CTNND2: variants seen among roughly 807,000 people sequenced by gnomAD.
CTNND2 encodes catenin delta-2.
In CTNND2, 22 loss-of-function variants were observed where a neutral mutation model predicts 144.4. The observed-to-expected ratio is 0.15, with a 90% CI of 0.11 to 0.22. The LOEUF is 0.22. CTNND2 is among the 10% of genes least tolerant of loss of function. The pLI, the probability that CTNND2 is intolerant of heterozygous loss-of-function variation, is 1.00. For missense variants in CTNND2, 1,353 were observed against 1,618.8 expected (o/e 0.84, Z 2.82); for synonymous variants, 751 against 695.6 (o/e 1.08, Z -1.25).
rs1256703958 is a variant in CTNND2 at position 11,483,998 on chromosome 5, T to A, written c.288-71929A>T. On this transcript the variant is annotated intron_variant, in intron 3 of 21. Coordinates refer to ENST00000304623, the MANE Select transcript of CTNND2 (RefSeq NM_001332.4). ...GCATAGTCATAGATATTAGAATCAG[T>A]CCCAGTCAACAATAGAGGCACAAAT... Among the ~76,000 whole-genome samples the A allele has an allele frequency of 2.0e-5, 3 of 152,232 alleles. No individual in the cohort carries two copies. The East Asian group carries it at 5.8e-4, about 29-fold the overall frequency.
chr5:11,211,169 G>A (rs1182078296), intron 10 of CTNND2, among the ~76,000 whole-genome samples: 4 of 152,124 alleles, frequency 2.6e-5, no homozygotes, highest in Non-Finnish European at 5.9e-5. Context: ...GAGTGGGTCA[G>A]CGCACACTAG....
At chr5:11,043,479 A>T (rs1210228184) in intron 16 of CTNND2, among the ~76,000 whole-genome samples, 3 of 152,344 alleles carry the variant, frequency 2.0e-5, no homozygotes, top group Non-Finnish European at 2.9e-5. Context: ...TACTAAAAAA[A>T]ATCAGTAACT....
chr5:11,053,982 C>T (rs1746101787), intron 16 of CTNND2, among the ~76,000 whole-genome samples: 1 of 152,114 alleles, frequency 6.6e-6, no homozygotes, highest in Non-Finnish European at 1.5e-5. Flanking sequence ...AGATTTGTGC[C>T]TACAATAAAA....
At chr5:11,701,345 G>C (rs2126671399) in intron 2 of CTNND2, among the ~76,000 whole-genome samples, 1 of 152,262 alleles carries the variant, frequency 6.6e-6, no homozygotes, top group Admixed American at 6.5e-5. Context: ...CAGTCTGCTG[G>C]ATACCCAGGA....
intron 10 of CTNND2, among the ~76,000 whole-genome samples, chr5:11,214,198 T>C (rs889522101): frequency 2.0e-5 from 3 of 152,244 alleles, no homozygotes; most frequent in Non-Finnish European, 4.4e-5. Context: ...TAAAATGCTC[T>C]GATTTTAATC....
chr5:11,075,532 C>T (rs533274487), intron 16 of CTNND2, among the ~76,000 whole-genome samples: 9 of 152,194 alleles, frequency 5.9e-5, no homozygotes, highest in Non-Finnish European at 1.2e-4. Flanking sequence ...GCTCATGACA[C>T]GGAGGATAGG....
At chr5:11,393,295 C>T (rs1759793159) in intron 6 of CTNND2, among the ~76,000 whole-genome samples, 1 of 152,168 alleles carries the variant, frequency 6.6e-6, no homozygotes, top group East Asian at 1.9e-4. Context: ...GCAAGCAGGC[C>T]ATTTCCCTAA....
chr5:11,713,276 C>G (rs1414281451), intron 2 of CTNND2, among the ~76,000 whole-genome samples: 3 of 152,032 alleles, frequency 2.0e-5, no homozygotes, highest in Admixed American at 1.3e-4. Context: ...TAGCACCTAC[C>G]TATATTAGAA....
rs139369410 is a variant in CTNND2 at position 11,328,730 on chromosome 5, C to T, written c.1628+17642G>A. ...AACAGCCCCTCTTTGAAGATCTACA[C>T]GTGCAGATTATTGCGAAGTCCCACT... On this transcript the variant is annotated intron_variant, in intron 9 of 21. Coordinates refer to ENST00000304623, the MANE Select transcript of CTNND2 (RefSeq NM_001332.4). 8.1e-4 allele frequency among the ~76,000 whole-genome samples: 123 copies of T among 152,324 alleles called. 3 individuals are homozygous for T. The South Asian group carries it at 0.022, about 28-fold the overall frequency.
intron 1 of CTNND2, among the ~76,000 whole-genome samples, chr5:11,795,119 T>G (rs1257179031): frequency 3.3e-5 from 5 of 151,938 alleles, no homozygotes; most frequent in Non-Finnish European, 7.4e-5. Context: ...AAACAAAGAG[T>G]GAGTGTTCCT....
intron 2 of CTNND2, among the ~76,000 whole-genome samples, chr5:11,684,041 A>G (rs1784535795): frequency 6.6e-6 from 1 of 152,214 alleles, no homozygotes; most frequent in Admixed American, 6.5e-5. Context: ...ATGTCGATCC[A>G]CTTTTAATCA....
intron 3 of CTNND2, among the ~76,000 whole-genome samples, chr5:11,480,646 ATGTG>A (rs58951106): frequency 3.4e-4 from 50 of 149,154 alleles, no homozygotes; most frequent in East Asian, 1.4e-3. Flanking sequence ...AAATACATAT[ATGTG>A]TGTGTGTGTG....
chr5:10,981,811 A>T lies in CTNND2; in HGVS notation c.3379T>A (p.Ser1127Thr), dbSNP rs1041822358. The T allele has an allele frequency of 6.2e-7, 1 of 1,614,000 alleles. No individual in the cohort carries two copies. Among genetic ancestry groups the T allele is most frequent in the Non-Finnish European group, 8.5e-7 (1 of 1,179,988 alleles). The change falls in exon 21 of 22, where the codon TCT becomes ACT. Residue 1127 changes from serine (S) to threonine (T), a missense_variant. Transcript: ENST00000304623. Reference sequence around the variant, plus strand: ...ATGTCTTCAGCGGGCGCACCATAAGAATTCCTATACAAAGTTGAAATTCCA... The same window carrying T: ...ATGTCTTCAGCGGGCGCACCATAAGTATTCCTATACAAAGTTGAAATTCCA... ...NTGISTLYRN[S>T]YGAPAEDIKH...
intron 2 of CTNND2, among the ~76,000 whole-genome samples, chr5:11,696,981 G>T (rs1372295762): frequency 1.3e-5 from 2 of 151,764 alleles, no homozygotes; most frequent in Non-Finnish European, 2.9e-5. Context: ...TATTTTAAAT[G>T]ATAGATATTC....
chr5:11,664,621 T>C (rs1783454288), intron 2 of CTNND2, among the ~76,000 whole-genome samples: 1 of 152,166 alleles, frequency 6.6e-6, no homozygotes. Flanking sequence ...GTTTGTAACA[T>C]AAACTCATGA....
At chr5:11,890,472 A>T (rs960841439) in intron 1 of CTNND2, among the ~76,000 whole-genome samples, 1 of 152,146 alleles carries the variant, frequency 6.6e-6, no homozygotes, top group Admixed American at 6.5e-5. Flanking sequence ...TTGATCTCTC[A>T]CATCCCTTCA....
chr5:11,239,557 C>T (rs567063944), intron 9 of CTNND2, among the ~76,000 whole-genome samples: 26 of 152,344 alleles, frequency 1.7e-4, no homozygotes, highest in Admixed American at 1.0e-3. Flanking sequence ...CATTTAAATA[C>T]GCAGATACGC....
intron 20 of CTNND2, among the ~76,000 whole-genome samples, chr5:10,985,052 C>T (rs146426861): frequency 0.072 from 10,819 of 150,824 alleles, 534 homozygotes; most frequent in East Asian, 0.2. Context: ...CCAGCCTGGG[C>T]GACACAGTGA....
intron 10 of CTNND2, among the ~76,000 whole-genome samples, chr5:11,210,267 G>A (rs1738493963): frequency 6.6e-6 from 1 of 152,064 alleles, no homozygotes; most frequent in Non-Finnish European, 1.5e-5. Context: ...GCGTGGTGGT[G>A]CACACCTGTA....
Sources: allele counts gnomAD v4.1 joint callset (sites outside exome capture counted in the v4.1 genomes callset), GRCh38; gene constraint gnomAD v4.1.1; transcripts MANE v1.5; gene names NCBI Gene and HGNC (gene_info 2026-07-23, HGNC 2026-07-21).